The following NSUN6 variants were observed in gnomAD, a reference collection of about 807,000 sequenced individuals.
NSUN6 encodes tRNA (cytosine(72)-C(5))-methyltransferase NSUN6.
Under a neutral mutation model 58.0 loss-of-function variants are expected in NSUN6, and 64 were observed. The ratio of observed to expected loss-of-function variants is 1.10; its 90% CI spans 0.90 to 1.36. The LOEUF (loss-of-function observed/expected upper bound fraction) is 1.36. NSUN6 is among the 40% of genes most tolerant of loss of function. The pLI is 0.00. For missense variants in NSUN6, 701 were observed against 550.1 expected (o/e 1.27, Z -2.74); for synonymous variants, 231 against 193.9 (o/e 1.19, Z -1.59).
chr10:18,566,816 AT>A (rs1348106274), intron 8 of NSUN6, among the ~76,000 whole-genome samples: 1 of 143,174 alleles, frequency 7.0e-6, no homozygotes, highest in African/African-American at 2.6e-5. Flanking sequence ...ATTCCATACC[AT>A]TTTTCATTCC....
intron 1 of NSUN6, among the ~76,000 whole-genome samples, chr10:18,648,886 T>C (rs2059625845): frequency 6.6e-6 from 1 of 152,204 alleles, no homozygotes; most frequent in Non-Finnish European, 1.5e-5. Context: ...AGAAAAACAT[T>C]GCCTAAACTT....
At chr10:18,615,562 C>T (rs183051695) in intron 4 of NSUN6, among the ~76,000 whole-genome samples, 1 of 152,298 alleles carries the variant, frequency 6.6e-6, no homozygotes, top group East Asian at 1.9e-4. Context: ...ATGGGCCACA[C>T]ATAAACAGAC....
chr10:18,547,073 C>A (rs766738836), intron 10 of NSUN6, among the ~76,000 whole-genome samples: 1 of 151,898 alleles, frequency 6.6e-6, no homozygotes. Flanking sequence ...ACCAGTTGGG[C>A]GAGAAAAGTT....
At chr10:18,593,875 T>TAAA (rs772814324) in intron 7 of NSUN6, among the ~76,000 whole-genome samples, 1 of 96,318 alleles carries the variant, frequency 1.0e-5, no homozygotes. Context: ...AAAGCACAAT[T>TAAA]AAAAAAAAAA....
upstream of NSUN6, chr10:18,658,789 GC>G: frequency 4.1e-6 from 1 of 246,150 alleles, no homozygotes; most frequent in Non-Finnish European, 6.5e-6. Context: ...GATCGCTTGA[GC>G]CCAGGAAATT....
intron 8 of NSUN6, among the ~76,000 whole-genome samples, chr10:18,570,403 C>A (rs927803406): frequency 6.6e-6 from 1 of 151,428 alleles, no homozygotes; most frequent in Non-Finnish European, 1.5e-5. Flanking sequence ...TATTCCATTC[C>A]ATTCCCTTCC....
chr10:18,558,321 C>T (rs1270404393), intron 8 of NSUN6, among the ~76,000 whole-genome samples: 5 of 127,316 alleles, frequency 3.9e-5, no homozygotes, highest in East Asian at 2.5e-4. Flanking sequence ...GAATGGAGAA[C>T]AGAATGGAAT....
upstream of NSUN6, among the ~76,000 whole-genome samples, chr10:18,654,135 G>A (rs1046534939): frequency 4.6e-5 from 7 of 152,056 alleles, no homozygotes; most frequent in African/African-American, 1.4e-4. Flanking sequence ...TCACTCTGTC[G>A]CCCAGGCTGG....
intron 3 of NSUN6, among the ~76,000 whole-genome samples, chr10:18,624,724 A>G (rs2058730459): frequency 7.7e-6 from 1 of 130,098 alleles, no homozygotes. Context: ...AACAGAAAAA[A>G]AAAATTAAAG....
intron 7 of NSUN6, among the ~76,000 whole-genome samples, chr10:18,591,213 A>C (rs2057365540): frequency 6.6e-6 from 1 of 152,186 alleles, no homozygotes. Context: ...TGAATAGACC[A>C]ATAACAAGTT....
upstream of NSUN6, chr10:18,652,587 T>C: frequency 1.1e-6 from 1 of 950,344 alleles, no homozygotes; most frequent in Non-Finnish European, 1.3e-6. Flanking sequence ...TTTTTTTTTT[T>C]TGAGTCTCTG....
chr10:18,559,436 G>T (rs887409378), intron 8 of NSUN6, among the ~76,000 whole-genome samples: 3 of 149,452 alleles, frequency 2.0e-5, no homozygotes, highest in African/African-American at 7.4e-5. Context: ...AATGGAGAAT[G>T]GAACAGAATG....
At chr10:18,594,822 T>C (rs968593600) in intron 7 of NSUN6, among the ~76,000 whole-genome samples, 3 of 152,208 alleles carry the variant, frequency 2.0e-5, no homozygotes, top group Non-Finnish European at 4.4e-5. Context: ...AATCCTGCAA[T>C]ATCCAATATG....
chr10:18,616,206 TG>T lies in NSUN6; in HGVS notation c.398del (p.Pro133GlnfsTer10). On this transcript the variant is annotated frameshift_variant, in exon 4 of 11. Coordinates refer to ENST00000377304, the MANE Select transcript of NSUN6 (RefSeq NM_182543.5). LOFTEE classifies it high-confidence loss of function. ...AVLRGAHVYA[P>X]GIVSASQFMK... ...TACATTGTGATGCTGACACAATTCC[TG>T]GGGCATAGACATGGGCTCCTCTTAA... 6.3e-7 allele frequency: 1 copy of T among 1,584,612 alleles called. No individual in the cohort carries two copies. Among genetic ancestry groups the T allele is most frequent in the Non-Finnish European group, 8.7e-7 (1 of 1,153,262 alleles).
chr10:18,561,525 T>TAGA (rs2055507216), intron 8 of NSUN6, among the ~76,000 whole-genome samples: 1 of 118,678 alleles, frequency 8.4e-6, no homozygotes, highest in Non-Finnish European at 1.8e-5. Flanking sequence ...TGGAATGGAA[T>TAGA]ACAGTGATAA....
intron 2 of NSUN6, among the ~76,000 whole-genome samples, chr10:18,645,545 T>C (rs1590193017): frequency 6.6e-6 from 1 of 152,362 alleles, no homozygotes; most frequent in South Asian, 2.1e-4. Context: ...TACTGTAGCA[T>C]GTATCAGTTC....
At chr10:18,600,941 A>AAATATATATATATATATATAT (rs1487679670) in intron 6 of NSUN6, among the ~76,000 whole-genome samples, 3 of 43,538 alleles carry the variant, frequency 6.9e-5, no homozygotes, top group Non-Finnish European at 8.9e-5. Context: ...AAAAAAAAAA[A>AAATATATATATATATATATAT]ATATATATAT....
At chr10:18,578,010 C>T (rs535161797) in intron 8 of NSUN6, among the ~76,000 whole-genome samples, 12 of 152,304 alleles carry the variant, frequency 7.9e-5, no homozygotes, top group African/African-American at 1.9e-4. Flanking sequence ...TCTGTAAGGG[C>T]GTACCCTTCT....
At chr10:18,616,128 G>C (rs976034215) in intron 4 of NSUN6, 56 bp downstream of exon 4, 11 of 1,018,456 alleles carry the variant, frequency 1.1e-5, no homozygotes, top group Admixed American at 4.1e-5. Context: ...TTTTCCATTT[G>C]AAAATGCACA....
Sources: allele counts gnomAD v4.1 joint callset (sites outside exome capture counted in the v4.1 genomes callset), GRCh38; gene constraint gnomAD v4.1.1; transcripts MANE v1.5; gene names NCBI Gene and HGNC (gene_info 2026-07-23, HGNC 2026-07-21).